Variants in SPON1 observed in about 807,000 individuals in gnomAD.
SPON1 encodes spondin 1.
Under a neutral mutation model 111.7 loss-of-function variants are expected in SPON1, and 52 were observed. The ratio of observed to expected loss-of-function variants is 0.47; its 90% CI spans 0.37 to 0.59. The LOEUF (loss-of-function observed/expected upper bound fraction) is 0.59, where lower values mean the gene tolerates loss of function less well. SPON1 is among the 20% of genes least tolerant of loss of function. The pLI, the probability that SPON1 is intolerant of heterozygous loss-of-function variation, is 0.00. For missense variants in SPON1, 957 were observed against 1,068.5 expected, an observed-to-expected ratio of 0.90 and a Z score of 1.46; for synonymous variants, 410 against 395.8, an observed-to-expected ratio of 1.04 and a Z score of -0.43.
chr11:14,027,960 C>T (rs1848531093), intron 2 of SPON1, among the ~76,000 whole-genome samples: 1 of 152,162 alleles, frequency 6.6e-6, no homozygotes, highest in South Asian at 2.1e-4. Flanking sequence ...TTTTTTAAAA[C>T]CTGTTTATCA....
intron 3 of SPON1, among the ~76,000 whole-genome samples, chr11:14,068,651 C>T (rs1848851547): frequency 6.6e-6 from 1 of 152,210 alleles, no homozygotes; most frequent in African/African-American, 2.4e-5. Flanking sequence ...GTCTCTAGGA[C>T]TCCAAGTCCA....
intron 2 of SPON1, among the ~76,000 whole-genome samples, chr11:13,992,046 C>T (rs1483552864): frequency 1.3e-5 from 2 of 152,174 alleles, no homozygotes; most frequent in African/African-American, 4.8e-5. Flanking sequence ...GTCAGGGACC[C>T]ACTTGAGGAG....
chr11:14,082,056 C>T (rs1343023294), intron 5 of SPON1, among the ~76,000 whole-genome samples: 3 of 152,116 alleles, frequency 2.0e-5, no homozygotes, highest in Non-Finnish European at 4.4e-5. Context: ...AAATTTCCTC[C>T]AGCCTCTCCT....
chr11:14,209,436 G>T lies in SPON1; in HGVS notation c.826-33896G>T, dbSNP rs538895208. 2.0e-5 allele frequency among the ~76,000 whole-genome samples: 3 copies of T among 151,818 alleles called. No individual in the cohort carries two copies. In the East Asian group the frequency reaches 5.8e-4, roughly 29 times the overall value. On this transcript the variant is annotated intron_variant, in intron 6 of 15. Transcript: ENST00000576479. Reference sequence around the variant, plus strand: ...AGCCCCCCACACCCCGACAGGCCCCGGTGTGTGATGCTCCCCTCCCTGTGT... The same window carrying T: ...AGCCCCCCACACCCCGACAGGCCCCTGTGTGTGATGCTCCCCTCCCTGTGT...
chr11:14,189,473 C>T (rs1189491114), intron 6 of SPON1, among the ~76,000 whole-genome samples: 6 of 152,156 alleles, frequency 3.9e-5, no homozygotes, highest in Non-Finnish European at 5.9e-5. Context: ...TAAGCCCCCT[C>T]GGAGGCAAAT....
chr11:14,146,429 C>T (rs908288890), intron 6 of SPON1, among the ~76,000 whole-genome samples: 48 of 152,008 alleles, frequency 3.2e-4, no homozygotes, highest in African/African-American at 1.1e-3. Flanking sequence ...GGATTACAGG[C>T]GTGAGCCACC....
At chr11:13,976,311 A>G (rs1848103341) in intron 1 of SPON1, among the ~76,000 whole-genome samples, 1 of 152,068 alleles carries the variant, frequency 6.6e-6, no homozygotes, top group South Asian at 2.1e-4. Context: ...CATTAGAGAG[A>G]AGATTCTATT....
intron 7 of SPON1, among the ~76,000 whole-genome samples, chr11:14,251,406 G>A (rs1032169388): frequency 6.6e-6 from 1 of 152,196 alleles, no homozygotes; most frequent in African/African-American, 2.4e-5. Flanking sequence ...GGGCCAAAAT[G>A]CATTTACTGA....
chr11:14,079,859 C>G (rs748640207), intron 4 of SPON1, 40 bp from the exon 5 acceptor site: 1 of 1,612,808 alleles, frequency 6.2e-7, no homozygotes. Context: ...ATACAACCCA[C>G]GTTTACTTTC....
chr11:14,065,283 G>T (rs1297204941), intron 3 of SPON1, among the ~76,000 whole-genome samples: 2 of 152,218 alleles, frequency 1.3e-5, no homozygotes, highest in Non-Finnish European at 2.9e-5. Context: ...CTAGTTTGCA[G>T]GAACCCACAG....
chr11:14,154,968 G>A (rs2133870140), intron 6 of SPON1, among the ~76,000 whole-genome samples: 1 of 152,162 alleles, frequency 6.6e-6, no homozygotes. Context: ...TCTAGAGCAG[G>A]GACACAATGC....
chr11:14,258,438 A>G (rs1554941466), intron 11 of SPON1, among the ~76,000 whole-genome samples: 1 of 152,236 alleles, frequency 6.6e-6, no homozygotes, highest in African/African-American at 2.4e-5. Context: ...TGATGGCTCA[A>G]GCTTCAAGAT....
At chr11:14,026,468 G>C (rs186487031) in intron 2 of SPON1, among the ~76,000 whole-genome samples, 1 of 152,294 alleles carries the variant, frequency 6.6e-6, no homozygotes, top group East Asian at 1.9e-4. Context: ...TAAAACAAGA[G>C]GGAAATCTGA....
In SPON1 at chr11:14,041,529, CGAA is replaced by C; in HGVS notation, c.361_363del (p.Glu121del). 1 of 1,613,734 alleles carries C rather than the reference CGAA, an allele frequency of 6.2e-7. No individual in the cohort carries two copies. On this transcript the variant is annotated inframe_deletion, in exon 3 of 16. Transcript: ENST00000576479. ...CCACTGGTTTTCCGTAGATCATAGA[CGAA>C]GAAGAAACTCAGTTTATGAGCAATT...
intron 6 of SPON1, among the ~76,000 whole-genome samples, chr11:14,164,712 C>A (rs1049931398): frequency 6.6e-6 from 1 of 152,002 alleles, no homozygotes; most frequent in Non-Finnish European, 1.5e-5. Flanking sequence ...TGCAGGAGAC[C>A]GGAGTTTTAT....
intron 6 of SPON1, among the ~76,000 whole-genome samples, chr11:14,211,557 A>G (rs782143342): frequency 3.9e-5 from 6 of 152,358 alleles, no homozygotes; most frequent in South Asian, 4.1e-4. Context: ...CATACTGCCC[A>G]AAGTAATTTG....
chr11:14,060,958 C>A (rs899322845), intron 3 of SPON1, among the ~76,000 whole-genome samples: 1 of 146,498 alleles, frequency 6.8e-6, no homozygotes, highest in Non-Finnish European at 1.5e-5. Flanking sequence ...AAAAAAAAGG[C>A]ATAAATATGA....
At chr11:14,055,014 T>G (rs1186019733) in intron 3 of SPON1, among the ~76,000 whole-genome samples, 1 of 152,196 alleles carries the variant, frequency 6.6e-6, no homozygotes, top group Non-Finnish European at 1.5e-5. Flanking sequence ...GCACCAGCTG[T>G]GATGCTAGCT....
rs1849276648 is a variant in SPON1, at chr11:14,266,860, G to C, written c.*1173G>C. Reference sequence around the variant, plus strand: ...CCACACCAGGGCTGTGGTCCTCCCAGACATGCATAGGAATGGCCACAGGTT... The same window carrying C: ...CCACACCAGGGCTGTGGTCCTCCCACACATGCATAGGAATGGCCACAGGTT... On this transcript the variant is annotated 3_prime_UTR_variant, in exon 16 of 16. Coordinates refer to ENST00000576479, the MANE Select transcript of SPON1 (RefSeq NM_006108.4). 1 of 152,266 alleles carries C rather than the reference G, an allele frequency of 6.6e-6. No individual in the cohort carries two copies. Among genetic ancestry groups the C allele is most frequent in the Admixed American group, 6.5e-5 (1 of 15,292 alleles). 9.4% of individuals were successfully genotyped at this position (152,266 alleles called of 1,614,324 possible). A position where few individuals can be genotyped will look rare whatever the true frequency, so the allele number is the denominator to read the frequency against.
Sources: allele counts gnomAD v4.1 joint callset (sites outside exome capture counted in the v4.1 genomes callset), GRCh38; gene constraint gnomAD v4.1.1; transcripts MANE v1.5; gene names NCBI Gene and HGNC (gene_info 2026-07-23, HGNC 2026-07-21).